Variants in CREM observed in about 807,000 individuals in gnomAD.
The protein encoded by CREM is cAMP responsive element modulator.
Under a neutral mutation model 37.3 loss-of-function variants are expected in CREM, and 13 were observed. The observed-to-expected ratio is 0.35, with a 90% CI of 0.23 to 0.55. CREM has a LOEUF of 0.55. Ranked by LOEUF, CREM falls within the 20% of genes least tolerant of loss-of-function variation. CREM has a pLI of 0.88. For missense variants in CREM, 296 were observed against 362.3 expected, an observed-to-expected ratio of 0.82 and a Z score of 1.49; for synonymous variants, 124 against 120.2, an observed-to-expected ratio of 1.03 and a Z score of -0.21.
chr10:35,184,553 A>G (rs970252049), intron 5 of CREM, among the ~76,000 whole-genome samples: 1 of 152,166 alleles, frequency 6.6e-6, no homozygotes, highest in South Asian at 2.1e-4. Context: ...AAAAATGAAA[A>G]TGAGGCTGAC....
At chr10:35,159,837 C>T (rs1319719905) in intron 3 of CREM, among the ~76,000 whole-genome samples, 7 of 152,026 alleles carry the variant, frequency 4.6e-5, no homozygotes, top group African/African-American at 7.2e-5. Context: ...GGTTAATATC[C>T]GAAACACAGA....
chr10:35,134,740 G>A (rs891608676), intron 1 of CREM, among the ~76,000 whole-genome samples: 3 of 151,968 alleles, frequency 2.0e-5, no homozygotes, highest in Admixed American at 6.6e-5. Flanking sequence ...GAAGGATACC[G>A]ACAGCAGTGA....
intron 2 of CREM, among the ~76,000 whole-genome samples, chr10:35,138,498 G>C (rs1432944151): frequency 6.6e-6 from 1 of 150,392 alleles, no homozygotes; most frequent in Non-Finnish European, 1.5e-5. Context: ...ATTTGTCTTT[G>C]AAAATTGGAT....
chr10:35,140,643 C>T (rs2091289957), intron 2 of CREM, among the ~76,000 whole-genome samples: 1 of 152,176 alleles, frequency 6.6e-6, no homozygotes, highest in Non-Finnish European at 1.5e-5. Context: ...ATATGCTACA[C>T]AAGTGTTATA....
chr10:35,190,035 C>G (rs1415473257), intron 6 of CREM, among the ~76,000 whole-genome samples: 1 of 152,136 alleles, frequency 6.6e-6, no homozygotes, highest in African/African-American at 2.4e-5. Context: ...GCCACCTGTT[C>G]TATTCCCCCC....
chr10:35,132,314 A>G (rs1170488222), intron 1 of CREM, among the ~76,000 whole-genome samples: 1 of 151,988 alleles, frequency 6.6e-6, no homozygotes, highest in Admixed American at 6.6e-5. Flanking sequence ...TTCACTTTTC[A>G]TTTCCTCCTC....
chr10:35,142,247 A>C lies in CREM; in HGVS notation c.44+4368A>C, dbSNP rs965889866. Among the ~76,000 whole-genome samples, 3 of 152,168 alleles carry C rather than the reference A, an allele frequency of 2.0e-5. No homozygotes were observed. The East Asian group carries it at 5.8e-4, about 29-fold the overall frequency. On this transcript the variant is annotated intron_variant, in intron 2 of 7. Coordinates refer to ENST00000685392, the MANE Select transcript of CREM (RefSeq NM_183011.2). ...AGATGGGAGAGACGTGAATGTGTTT[A>C]AGTCTTTACAGGAAAAAACTGTTAG...
chr10:35,142,327 A>T (rs979356557), intron 2 of CREM, among the ~76,000 whole-genome samples: 6 of 152,204 alleles, frequency 3.9e-5, no homozygotes, highest in Admixed American at 3.3e-4. Context: ...TCCAAACAAC[A>T]GATACAGGTA....
chr10:35,199,027 T>G (rs759159615), intron 6 of CREM, among the ~76,000 whole-genome samples: 8 of 152,224 alleles, frequency 5.3e-5, no homozygotes, highest in African/African-American at 9.6e-5. Flanking sequence ...CATATGCCTG[T>G]AATCCCAGCT....
chr10:35,146,905 A>G (rs911310025), intron 2 of CREM, among the ~76,000 whole-genome samples: 1 of 152,172 alleles, frequency 6.6e-6, no homozygotes, highest in African/African-American at 2.4e-5. Context: ...AACAACTTGG[A>G]TGTTTTAATT....
In CREM at chr10:35,193,039, TC is replaced by T. The variant is rs529761241; in HGVS notation, c.598+4655del. Among the ~76,000 whole-genome samples, 396 of 152,280 alleles carry T rather than the reference TC, an allele frequency of 2.6e-3. 3 individuals are homozygous for T. The highest frequency in any genetic ancestry group is 9.1e-3 in the African/African-American group (380 of 41,552). ...TACCGATTGCCTGATAAGAATACGT[TC>T]CCCGAGGAAGCCTTGCCCATCCTCC... On this transcript the variant is annotated intron_variant, in intron 6 of 7. Transcript: ENST00000685392.
At chr10:35,192,587 A>G (rs2094963096) in intron 6 of CREM, among the ~76,000 whole-genome samples, 1 of 152,048 alleles carries the variant, frequency 6.6e-6, no homozygotes, top group Non-Finnish European at 1.5e-5. Flanking sequence ...GAGTTTAGGT[A>G]ATCCGTCCAT....
intron 5 of CREM, among the ~76,000 whole-genome samples, chr10:35,181,073 T>C (rs2094332430): frequency 6.6e-6 from 1 of 152,252 alleles, no homozygotes; most frequent in Admixed American, 6.5e-5. Flanking sequence ...AAGCAGTGAT[T>C]CCTTTACAAG....
chr10:35,187,109 T>C (rs1404548136), intron 5 of CREM, among the ~76,000 whole-genome samples: 2 of 75,364 alleles, frequency 2.7e-5, no homozygotes, highest in Non-Finnish European at 4.6e-5. Context: ...TGATATATAT[T>C]ATATAAATAT....
intron 3 of CREM, among the ~76,000 whole-genome samples, chr10:35,174,812 C>G (rs917934245): frequency 3.3e-5 from 5 of 152,158 alleles, no homozygotes; most frequent in Admixed American, 1.3e-4. Flanking sequence ...TGGTTAGTAT[C>G]GTGTTTTTCT....
At chr10:35,205,163 C>T (rs1407835675) in intron 6 of CREM, among the ~76,000 whole-genome samples, 1 of 152,116 alleles carries the variant, frequency 6.6e-6, no homozygotes, top group Non-Finnish European at 1.5e-5. Context: ...TCACTCGAAT[C>T]CATCTGTCTT....
intron 7 of CREM, among the ~76,000 whole-genome samples, chr10:35,207,757 G>T (rs1383727753): frequency 6.6e-6 from 1 of 151,312 alleles, no homozygotes; most frequent in East Asian, 1.9e-4. Flanking sequence ...CTGGGTGACA[G>T]TGAGACTCCG....
At chr10:35,184,950 T>G (rs185041597) in intron 5 of CREM, among the ~76,000 whole-genome samples, 151 of 152,310 alleles carry the variant, frequency 9.9e-4, no homozygotes, top group African/African-American at 3.5e-3. Context: ...GATTGGAATT[T>G]GAAACCATAC....
intron 3 of CREM, among the ~76,000 whole-genome samples, chr10:35,164,890 AAAAT>A (rs1391195195): frequency 3.3e-5 from 5 of 152,012 alleles, no homozygotes; most frequent in Admixed American, 2.6e-4. Context: ...TCTCTACAAA[AAAAT>A]ACAAAAATCA....
Sources: allele counts gnomAD v4.1 joint callset (sites outside exome capture counted in the v4.1 genomes callset), GRCh38; gene constraint gnomAD v4.1.1; transcripts MANE v1.5; gene names NCBI Gene and HGNC (gene_info 2026-07-23, HGNC 2026-07-21).